The following IQSEC3 variants were observed in gnomAD, a reference collection of about 807,000 sequenced individuals.
IQSEC3 encodes the protein IQ motif and Sec7 domain ArfGEF 3.
IQSEC3 carries 50 observed loss-of-function variants against 105.4 expected under a neutral mutation model. That is an observed-to-expected ratio of 0.47 (90% CI 0.38 to 0.60). IQSEC3 has a LOEUF of 0.60. Among genes scored for constraint, IQSEC3 ranks in the 20% least tolerant of loss-of-function variants. The pLI is 0.00. For missense variants in IQSEC3, 1,415 were observed against 1,630.0 expected, an observed-to-expected ratio of 0.87 and a Z score of 2.27; for synonymous variants, 708 against 746.0, an observed-to-expected ratio of 0.95 and a Z score of 0.83.
intron 9 of IQSEC3, 200 bp from the exon 10 acceptor site, chr12:165,234 G>A (rs1867108602): frequency 3.3e-6 from 2 of 599,478 alleles, no homozygotes; most frequent in Non-Finnish European, 5.9e-6. Context: ...AAGTACAGAG[G>A]GAATAACCAC....
intron 11 of IQSEC3, among the ~76,000 whole-genome samples, 198 bp from the exon 12 acceptor site, chr12:168,815 G>A (rs1367109933): frequency 6.6e-6 from 1 of 152,164 alleles, no homozygotes; most frequent in African/African-American, 2.4e-5. Context: ...CCCATGTACA[G>A]ATGACGAAAC....
intron 1 of IQSEC3, among the ~76,000 whole-genome samples, chr12:94,852 C>T (rs547800560): frequency 3.3e-5 from 5 of 152,366 alleles, no homozygotes; most frequent in East Asian, 1.9e-4. Context: ...GAAATGCCAG[C>T]GCTGTGGGTA....
chr12:169,250 T>C, intron 12 of IQSEC3, 145 bp downstream of exon 12: 1 of 650,608 alleles, frequency 1.5e-6, no homozygotes, highest in Non-Finnish European at 2.7e-6. Flanking sequence ...TTGCCTTCTT[T>C]AATCTCATGA....
intron 3 of IQSEC3, among the ~76,000 whole-genome samples, chr12:135,187 TGACA>T (rs1175869842): frequency 6.6e-6 from 1 of 152,192 alleles, no homozygotes; most frequent in Non-Finnish European, 1.5e-5. Flanking sequence ...TGAATAGGGC[TGACA>T]GACAGAAATT....
intron 2 of IQSEC3, among the ~76,000 whole-genome samples, chr12:109,394 C>G (rs1366273532): frequency 2.6e-5 from 4 of 151,922 alleles, no homozygotes; most frequent in Non-Finnish European, 5.9e-5. Flanking sequence ...CCTTATGTAG[C>G]CCCCCGGCCT....
intron 3 of IQSEC3, among the ~76,000 whole-genome samples, chr12:135,119 G>A (rs1427348848): frequency 1.3e-5 from 2 of 152,134 alleles, no homozygotes; most frequent in African/African-American, 2.4e-5. Flanking sequence ...GACAGAGCGG[G>A]ACTCCATCTC....
At chr12:81,479 A>T (rs1379106781) in intron 1 of IQSEC3, among the ~76,000 whole-genome samples, 1 of 152,224 alleles carries the variant, frequency 6.6e-6, no homozygotes, top group Non-Finnish European at 1.5e-5. Flanking sequence ...TAGCAATGAA[A>T]GTATGATCTG....
In IQSEC3 at chr12:99,204, G is replaced by T. The variant is rs1555075484; in HGVS notation, c.613G>T (p.Ala205Ser). The change falls in exon 2 of 14, where the codon GCC becomes TCC. Residue 205 changes from alanine to serine, a missense_variant. Around this residue, in one of 6 missense-constraint regions of IQSEC3, gnomAD observed 720 missense variants for 633.0 expected, o/e 1.14. Coordinates refer to ENST00000538872, the MANE Select transcript of IQSEC3 (RefSeq NM_001170738.2). ...CPAADACSDLASQSDGSCTQA... is the reference protein window; with the variant it reads ...CPAADACSDLSSQSDGSCTQA... Reference sequence around the variant, plus strand: ...AGCCGCCGACGCCTGCTCCGACCTGGCCTCCCAAAGGTGGGAACTGTGGCC... The same window carrying T: ...AGCCGCCGACGCCTGCTCCGACCTGTCCTCCCAAAGGTGGGAACTGTGGCC... 6.3e-7 allele frequency: 1 copy of T among 1,598,638 alleles called. No individual in the cohort carries two copies. The highest frequency in any genetic ancestry group is 8.5e-7 in the Non-Finnish European group (1 of 1,179,640).
At chr12:154,764 G>A (rs895254873) in intron 5 of IQSEC3, among the ~76,000 whole-genome samples, 3 of 151,710 alleles carry the variant, frequency 2.0e-5, no homozygotes, top group South Asian at 2.1e-4. Flanking sequence ...CTGTCTTTCC[G>A]CCTTCCTCCC....
chr12:129,647 T>C (rs1356783447), intron 3 of IQSEC3, among the ~76,000 whole-genome samples: 4 of 152,112 alleles, frequency 2.6e-5, no homozygotes, highest in African/African-American at 4.8e-5. Flanking sequence ...CTCCAAGCCC[T>C]CTAGGGAGTT....
In IQSEC3 at chr12:157,642, C is replaced by T. The variant is rs566487960; in HGVS notation, c.2391C>T (p.Asn797=). ...ILLNTDMYSP[N]IKPDRKMMLE... Reference sequence around the variant, plus strand: ...TCAACACCGACATGTACAGCCCCAACATCAAGCCTGACCGGAAGATGATGC... The same window carrying T: ...TCAACACCGACATGTACAGCCCCAATATCAAGCCTGACCGGAAGATGATGC... The change falls in exon 7 of 14, where the codon AAC becomes AAT. Residue 797 remains asparagine (N), a synonymous_variant. Coordinates refer to ENST00000538872, the MANE Select transcript of IQSEC3 (RefSeq NM_001170738.2). The T allele has an allele frequency of 1.5e-4, 246 of 1,614,198 alleles. 1 individual carries two copies. The South Asian group carries it at 2.4e-3, about 16-fold the overall frequency.
chr12:126,022 C>CCTCTTTTGCCACAGTT (rs1371008068), intron 3 of IQSEC3, 110 bp downstream of exon 3: 3 of 1,121,946 alleles, frequency 2.7e-6, no homozygotes, highest in Non-Finnish European at 2.5e-6. Flanking sequence ...TACAGGCACA[C>CCTCTTTTGCCACAGTT]CTCTTTTGCC....
In IQSEC3 at chr12:175,453, G is replaced by A. The variant is rs1007919982; in HGVS notation, c.*420G>A. On this transcript the variant is annotated 3_prime_UTR_variant, in exon 14 of 14. Coordinates refer to ENST00000538872, the MANE Select transcript of IQSEC3 (RefSeq NM_001170738.2). ...GGCCGGCAGTGGAGCACTAGACAGA[G>A]TGGCTGGCTCGCAGCCCAGAACTAG... 2 of 169,092 alleles carry A rather than the reference G, an allele frequency of 1.2e-5. No homozygotes were observed. Among genetic ancestry groups the A allele is most frequent in the African/African-American group, 4.8e-5 (2 of 42,012 alleles). 10.5% of individuals were successfully genotyped at this position (169,092 alleles called of 1,614,324 possible).
At chr12:84,930 G>A (rs559055884) in intron 1 of IQSEC3, among the ~76,000 whole-genome samples, 15 of 152,226 alleles carry the variant, frequency 9.9e-5, no homozygotes, top group African/African-American at 3.6e-4. Flanking sequence ...GGGGTCAGGG[G>A]GTACAGTGAG....
At chr12:153,571 T>A (rs1167100474) in intron 5 of IQSEC3, among the ~76,000 whole-genome samples, 2 of 152,172 alleles carry the variant, frequency 1.3e-5, no homozygotes, top group Admixed American at 1.3e-4. Flanking sequence ...ATGTCATTTT[T>A]TCCCCCAGGG....
chr12:171,536 AC>A, intron 13 of IQSEC3: 2 of 595,902 alleles, frequency 3.4e-6, no homozygotes, highest in Non-Finnish European at 6.0e-6. Context: ...GTATCAGAAG[AC>A]CCCACATCCC....
intron 2 of IQSEC3, among the ~76,000 whole-genome samples, chr12:105,383 A>T (rs1234725294): frequency 6.6e-6 from 1 of 152,202 alleles, no homozygotes; most frequent in Admixed American, 6.5e-5. Context: ...GGGGTGGGAC[A>T]GAGTGGCACC....
At chr12:135,121 C>T (rs1555086014) in intron 3 of IQSEC3, among the ~76,000 whole-genome samples, 1 of 152,034 alleles carries the variant, frequency 6.6e-6, no homozygotes, top group Non-Finnish European at 1.5e-5. Context: ...CAGAGCGGGA[C>T]TCCATCTCAA....
At chr12:165,564 G>GAC (rs782231044) in intron 10 of IQSEC3, 31 bp downstream of exon 10, 74 of 1,597,778 alleles carry the variant, frequency 4.6e-5, no homozygotes, top group Non-Finnish European at 5.8e-5. Context: ...GTAAGTCTTT[G>GAC]AGAAGGAATG....
Sources: allele counts gnomAD v4.1 joint callset (sites outside exome capture counted in the v4.1 genomes callset), GRCh38; gene constraint gnomAD v4.1.1; regional missense constraint gnomAD v4.1.1; transcripts MANE v1.5; gene names NCBI Gene and HGNC (gene_info 2026-07-23, HGNC 2026-07-21).